PDE10A: variants seen among roughly 807,000 people sequenced by gnomAD.
The protein encoded by PDE10A is phosphodiesterase 10A, also known as cAMP and cAMP-inhibited cGMP 3',5'-cyclic phosphodiesterase 10A.
A neutral mutation model predicts 97.7 loss-of-function variants in PDE10A; 39 were observed. The observed-to-expected ratio is 0.40, with a 90% CI of 0.31 to 0.52. The LOEUF is 0.52. Among genes scored for constraint, PDE10A ranks in the 20% least tolerant of loss-of-function variants. PDE10A has a pLI of 0.56. For synonymous variants in PDE10A, 371 were observed against 376.8 expected (o/e 0.98, Z 0.18); for missense variants, 731 against 1,047.8 (o/e 0.70, Z 4.17).
chr6:165,854,205 G>A (rs1780650099), intron 1 of PDE10A, among the ~76,000 whole-genome samples: 1 of 152,216 alleles, frequency 6.6e-6, no homozygotes, highest in Admixed American at 6.5e-5. Flanking sequence ...CCGGAGACCC[G>A]GCAGCCAGGC....
intron 1 of PDE10A, among the ~76,000 whole-genome samples, chr6:165,635,908 A>G (rs1312600993): frequency 6.6e-6 from 1 of 152,240 alleles, no homozygotes; most frequent in Non-Finnish European, 1.5e-5. Flanking sequence ...TATATACTGC[A>G]CCATTACAGT....
At chr6:165,734,496 A>G (rs1792516685) in intron 1 of PDE10A, among the ~76,000 whole-genome samples, 2 of 152,172 alleles carry the variant, frequency 1.3e-5, no homozygotes, top group Non-Finnish European at 2.9e-5. Flanking sequence ...AGGATCCAAA[A>G]CCATAATTTA....
At chr6:165,838,453 A>G (rs908472370) in intron 1 of PDE10A, among the ~76,000 whole-genome samples, 9 of 152,300 alleles carry the variant, frequency 5.9e-5, no homozygotes, top group African/African-American at 2.2e-4. Flanking sequence ...AAAATGTACA[A>G]TCCAGTGGTT....
intron 1 of PDE10A, among the ~76,000 whole-genome samples, chr6:165,962,527 T>C (rs1326161329): frequency 6.6e-6 from 1 of 151,506 alleles, no homozygotes; most frequent in African/African-American, 2.4e-5. Flanking sequence ...TACCTTTCCA[T>C]GGGGCCCTGG....
chr6:165,498,563 T>C (rs1780687523), intron 2 of PDE10A, among the ~76,000 whole-genome samples: 1 of 149,788 alleles, frequency 6.7e-6, no homozygotes, highest in Admixed American at 6.7e-5. Flanking sequence ...CTCCAGATTC[T>C]AGCAATTCTC....
At chr6:165,825,518 T>C (rs889519955) in intron 1 of PDE10A, among the ~76,000 whole-genome samples, 3 of 152,144 alleles carry the variant, frequency 2.0e-5, no homozygotes, top group Non-Finnish European at 4.4e-5. Flanking sequence ...ATGCTGAGTG[T>C]CCTCCAGCTT....
chr6:165,430,459 G>A (rs2128237380), intron 8 of PDE10A, 114 bp from the exon 9 acceptor site: 2 of 602,224 alleles, frequency 3.3e-6, no homozygotes, highest in South Asian at 2.3e-5. Context: ...CAATCACTTG[G>A]GTTATAATGT....
intron 17 of PDE10A, among the ~76,000 whole-genome samples, chr6:165,385,332 C>T (rs925635523): frequency 6.6e-6 from 1 of 150,498 alleles, no homozygotes; most frequent in East Asian, 1.9e-4. Context: ...AAGCACAATT[C>T]GGGCATACTG....
At chr6:165,899,110 G>A (rs746664078) in intron 1 of PDE10A, among the ~76,000 whole-genome samples, 1 of 152,246 alleles carries the variant, frequency 6.6e-6, no homozygotes, top group East Asian at 1.9e-4. Context: ...ATCCAGAAGA[G>A]TGTCTGGCAT....
chr6:165,745,523 A>C (rs1792823835), intron 1 of PDE10A, among the ~76,000 whole-genome samples: 1 of 152,240 alleles, frequency 6.6e-6, no homozygotes, highest in South Asian at 2.1e-4. Context: ...AAAGCTAAAT[A>C]AATTCATGAC....
chr6:165,826,827 G>T (rs1477153294), intron 1 of PDE10A, among the ~76,000 whole-genome samples: 1 of 151,956 alleles, frequency 6.6e-6, no homozygotes, highest in Non-Finnish European at 1.5e-5. Context: ...GAGCCAGGAG[G>T]GGTGCTGGGG....
intron 1 of PDE10A, among the ~76,000 whole-genome samples, chr6:165,699,738 T>C (rs1383152611): frequency 6.6e-6 from 1 of 152,088 alleles, no homozygotes; most frequent in Non-Finnish European, 1.5e-5. Flanking sequence ...AAACAACCAA[T>C]GGGTCAAAAA....
Position 165,416,181 on chromosome 6 carries a change from T to C in PDE10A, c.1889+8A>G, listed in dbSNP as rs775561182. On this transcript the variant is annotated splice_region_variant and intron_variant, in intron 12 of 21. Coordinates refer to ENST00000539869, the MANE Select transcript of PDE10A (RefSeq NM_001385079.1). ...ATCAATGGAGTGTCGACATCAGCTA[T>C]TTCTTACCTGTTAAAGCGTGGGTCT... The C allele has an allele frequency of 3.2e-6, 5 of 1,569,118 alleles. No individual in the cohort carries two copies. In the African/African-American group the frequency reaches 6.8e-5, roughly 21 times the overall value.
At chr6:165,365,823 T>C (rs1012829948) in intron 18 of PDE10A, among the ~76,000 whole-genome samples, 1 of 152,164 alleles carries the variant, frequency 6.6e-6, no homozygotes, top group African/African-American at 2.4e-5. Context: ...ATGGTTAACA[T>C]TAGTTATTTA....
At chr6:165,842,536 G>T (rs886366712) in intron 1 of PDE10A, among the ~76,000 whole-genome samples, 1 of 152,224 alleles carries the variant, frequency 6.6e-6, no homozygotes. Flanking sequence ...AACAGAGAGC[G>T]AATGCAAGCT....
In PDE10A at chr6:165,711,626, T is replaced by C. The variant is rs1008969282; in HGVS notation, c.-614-168058A>G. Among the ~76,000 whole-genome samples the C allele has an allele frequency of 6.6e-6, 1 of 152,028 alleles. No homozygotes were observed. Among genetic ancestry groups the C allele is most frequent in the Admixed American group, 6.6e-5 (1 of 15,264 alleles). On this transcript the variant is annotated intron_variant, in intron 1 of 19. Coordinates refer to the PDE10A transcript ENST00000366882. The surrounding 1 kb of genome is among the most constrained non-coding windows in gnomAD (Gnocchi z 4.5). ...TGAGTGTGTGTCTTGGTAGGGTCAA[T>C]GAGATGAAGGTAAGAGAAGAAACGA...
At chr6:165,967,305 T>A (rs539876813) in intron 1 of PDE10A, among the ~76,000 whole-genome samples, 80 of 152,370 alleles carry the variant, frequency 5.3e-4, no homozygotes, top group African/African-American at 1.9e-3. Flanking sequence ...CAGACCAGCC[T>A]GGCCATCATG....
intron 9 of PDE10A, among the ~76,000 whole-genome samples, chr6:165,429,250 T>C (rs1289469443): frequency 6.6e-6 from 1 of 152,070 alleles, no homozygotes; most frequent in African/African-American, 2.4e-5. Context: ...TTCATTGTTA[T>C]GAACAGCGAG....
At chr6:165,779,370 T>C (rs1319593715) in intron 1 of PDE10A, among the ~76,000 whole-genome samples, 1 of 152,158 alleles carries the variant, frequency 6.6e-6, no homozygotes, top group Non-Finnish European at 1.5e-5. Context: ...CTTGCACATG[T>C]GTGTATAAAT....
Sources: gnomAD v4.1 joint callset for allele counts (sites outside exome capture counted in the v4.1 genomes callset) on GRCh38, gnomAD v4.1.1 for gene constraint, Gnocchi (gnomAD v3.1) non-coding constraint, MANE v1.5 for transcripts, NCBI Gene and HGNC (gene_info 2026-07-23, HGNC 2026-07-21) for gene names.